PPP1R37: variants seen among roughly 807,000 people sequenced by gnomAD.
PPP1R37 encodes the protein protein phosphatase 1 regulatory subunit 37, also known as leucine rich repeat containing 68.
PPP1R37 carries 21 observed loss-of-function variants against 61.0 expected under a neutral mutation model. That is an observed-to-expected ratio of 0.34 (90% CI 0.24 to 0.50). The LOEUF (loss-of-function observed/expected upper bound fraction) is 0.50, where lower values mean the gene tolerates loss of function less well. PPP1R37 is among the 20% of genes least tolerant of loss of function. The pLI, the probability that PPP1R37 is intolerant of heterozygous loss-of-function variation, is 0.98. For missense variants in PPP1R37, 910 were observed against 952.7 expected, an observed-to-expected ratio of 0.96 and a Z score of 0.59; for synonymous variants, 443 against 433.5, an observed-to-expected ratio of 1.02 and a Z score of -0.27.
At chr19:45,131,849 T>C (rs1045434832) in intron 1 of PPP1R37, among the ~76,000 whole-genome samples, 1 of 151,872 alleles carries the variant, frequency 6.6e-6, no homozygotes, top group African/African-American at 2.4e-5. Context: ...TCCTGCTGAC[T>C]AAGCCACACT....
intron 1 of PPP1R37, among the ~76,000 whole-genome samples, chr19:45,134,718 C>G (rs1259446200): frequency 6.6e-6 from 1 of 152,050 alleles, no homozygotes; most frequent in Non-Finnish European, 1.5e-5. Flanking sequence ...CACCACCACG[C>G]CCGGCTAATT....
chr19:45,122,591 A>T (rs1968355477), intron 1 of PPP1R37, among the ~76,000 whole-genome samples: 1 of 152,060 alleles, frequency 6.6e-6, no homozygotes, highest in African/African-American at 2.4e-5. Flanking sequence ...AAAGGGGCTG[A>T]CTTTTTGGAG....
intron 4 of PPP1R37, 139 bp downstream of exon 4, chr19:45,140,745 A>C: frequency 3.1e-6 from 2 of 635,676 alleles, no homozygotes; most frequent in Non-Finnish European, 2.8e-6. Flanking sequence ...GGCCTCTTGC[A>C]GGGCAAGAGG....
At chr19:45,100,341 G>A (rs539721149) in intron 1 of PPP1R37, 1 of 152,346 alleles carries the variant, frequency 6.6e-6, no homozygotes, top group East Asian at 1.9e-4. Flanking sequence ...AGTAGGGCAT[G>A]GGGGCAGGTG....
chr19:45,145,767 GT>G lies in PPP1R37; in HGVS notation c.1712del (p.Val571GlyfsTer67). On this transcript the variant is annotated frameshift_variant, in exon 11 of 13. Transcript: ENST00000221462. LOFTEE classifies it high-confidence loss of function. ...GGGCCGGGGCCACAAGGTGTTTGTG[GT>G]GACCCGGGTGGAGAGCCCGCCCGAG... ...SPGRGHKVFV[V>X]TRVESPPERA... 6.6e-7 allele frequency: 1 copy of G among 1,518,328 alleles called. No individual in the cohort carries two copies. Among genetic ancestry groups the G allele is most frequent in the Non-Finnish European group, 8.8e-7 (1 of 1,137,862 alleles). The allele number at this position is 1,518,328 out of a possible 1,614,324, so 94.1% of individuals were successfully genotyped here. A position where few individuals can be genotyped will look rare whatever the true frequency, so the allele number is the denominator to read the frequency against.
intron 1 of PPP1R37, among the ~76,000 whole-genome samples, chr19:45,105,777 T>C (rs1968122679): frequency 6.6e-6 from 1 of 152,188 alleles, no homozygotes; most frequent in Admixed American, 6.5e-5. Flanking sequence ...CCTGGACCTG[T>C]GTTCCCTGCT....
chr19:45,102,047 G>A (rs1968071132), intron 1 of PPP1R37, among the ~76,000 whole-genome samples: 1 of 152,158 alleles, frequency 6.6e-6, no homozygotes, highest in Non-Finnish European at 1.5e-5. Context: ...GCGTGTCCTT[G>A]GCCTGCTTGG....
rs563225515 is a variant in PPP1R37, at chr19:45,096,340, G to A, written c.202+2813G>A. Among the ~76,000 whole-genome samples, 29 of 152,212 alleles carry A rather than the reference G, an allele frequency of 1.9e-4. No individual in the cohort carries two copies. The South Asian group carries it at 5.8e-3, about 30-fold the overall frequency. On this transcript the variant is annotated intron_variant, in intron 1 of 12. Transcript: ENST00000221462. ...GAGTCTGGCACAGATTGGGCTTTGG[G>A]GGGTAAAGTTTCTGGTCTGCAGATT...
At chr19:45,124,352 GGT>G (rs1240208971) in intron 1 of PPP1R37, among the ~76,000 whole-genome samples, 1 of 152,194 alleles carries the variant, frequency 6.6e-6, no homozygotes, top group African/African-American at 2.4e-5. Context: ...GAAGAATTTG[GGT>G]GTGGCCAGAG....
At chr19:45,101,824 A>G (rs1316865537) in intron 1 of PPP1R37, among the ~76,000 whole-genome samples, 1 of 152,246 alleles carries the variant, frequency 6.6e-6, no homozygotes, top group Non-Finnish European at 1.5e-5. Context: ...GCCGTGAGCC[A>G]GGAGCCCGGA....
chr19:45,114,456 C>T (rs1034102108), intron 1 of PPP1R37, among the ~76,000 whole-genome samples: 11 of 148,446 alleles, frequency 7.4e-5, no homozygotes, highest in East Asian at 1.9e-4. Flanking sequence ...CCCCCTGACC[C>T]GGGCAGCTCA....
chr19:45,144,012 T>G, intron 8 of PPP1R37: 1 of 158,172 alleles, frequency 6.3e-6, no homozygotes, highest in Non-Finnish European at 1.4e-5. Flanking sequence ...GCCAATTTTT[T>G]TATTTTTTAT....
In PPP1R37 at chr19:45,097,410, C is replaced by G. The variant is rs114191671; in HGVS notation, c.202+3883C>G. ...TAGGCCAGGGGATGGAGGAGCGCCCCTGGGTGAGGAGGAAGCAGCACTGGG... is the reference window on the plus strand; with the variant it reads ...TAGGCCAGGGGATGGAGGAGCGCCCGTGGGTGAGGAGGAAGCAGCACTGGG... On this transcript the variant is annotated intron_variant, in intron 1 of 12. Coordinates refer to ENST00000221462, the MANE Select transcript of PPP1R37 (RefSeq NM_019121.2). Among the ~76,000 whole-genome samples, 326 of 151,954 alleles carry G rather than the reference C, an allele frequency of 2.1e-3. 2 individuals carry two copies. The highest frequency in any genetic ancestry group is 7.5e-3 in the African/African-American group (310 of 41,446).
At chr19:45,106,060 A>G (rs1376226994) in intron 1 of PPP1R37, among the ~76,000 whole-genome samples, 1 of 152,148 alleles carries the variant, frequency 6.6e-6, no homozygotes, top group Non-Finnish European at 1.5e-5. Flanking sequence ...TGTTAGGTCC[A>G]GGTGTTTGTG....
chr19:45,132,834 G>A (rs1247970808), intron 1 of PPP1R37, among the ~76,000 whole-genome samples: 3 of 152,120 alleles, frequency 2.0e-5, no homozygotes, highest in African/African-American at 7.2e-5. Context: ...TTCCCAAAGT[G>A]CTGGGATTGC....
At position 45,144,854 on chromosome 19, in the gene PPP1R37, C is replaced by G; in HGVS notation, c.988C>G (p.Pro330Ala). The change falls in exon 9 of 13, where the codon CCG (proline) becomes GCG (alanine). Residue 330 changes from proline (P) to alanine (A), a missense_variant and splice_region_variant. Physicochemically the swap from Pro to Ala is conservative, Grantham distance 27. This residue lies in a region of PPP1R37 where 549 missense variants were observed against 505.1 expected (regional missense o/e 1.09). Coordinates refer to ENST00000221462, the MANE Select transcript of PPP1R37 (RefSeq NM_019121.2). The part of the protein sequence containing the change: ...TGMAFLGMTL[P>A]HTQSLETLNL... Reference sequence around the variant, plus strand: ...TCACCCTCACACCCCCTCCCTCCAGCCGCACACTCAGAGCCTGGAGACGCT... The same window carrying G: ...TCACCCTCACACCCCCTCCCTCCAGGCGCACACTCAGAGCCTGGAGACGCT... 1.3e-6 allele frequency: 2 copies of G among 1,529,162 alleles called. No homozygotes were observed. Among genetic ancestry groups the G allele is most frequent in the Non-Finnish European group, 1.7e-6 (2 of 1,143,006 alleles). The allele number at this position is 1,529,162 out of a possible 1,614,324, so 94.7% of individuals were successfully genotyped here.
In PPP1R37 at chr19:45,130,666, C is replaced by T. The variant is rs1481091845; in HGVS notation, c.203-7848C>T. Among the ~76,000 whole-genome samples, 1 of 152,196 alleles carries T rather than the reference C, an allele frequency of 6.6e-6. No homozygotes were observed. The highest frequency in any genetic ancestry group is 2.1e-4 in the South Asian group (1 of 4,828). On this transcript the variant is annotated intron_variant, in intron 1 of 12. Coordinates refer to ENST00000221462, the MANE Select transcript of PPP1R37 (RefSeq NM_019121.2). The surrounding 1 kb of genome is among the most constrained non-coding windows in gnomAD (Gnocchi z 4.4). ...ATTGCAAAGCGTGGTTATTCTGAGC[C>T]TGGTTGCCATCACAGTCATATGGGG... is the stretch of plus-strand genomic sequence containing the variant.
In PPP1R37 at chr19:45,138,540, A is replaced by G. The variant is rs923908451; in HGVS notation, c.229A>G (p.Ile77Val). 1.0e-5 allele frequency: 16 copies of G among 1,528,698 alleles called. No homozygotes were observed. Among genetic ancestry groups the G allele is most frequent in the African/African-American group, 4.1e-5 (3 of 72,738 alleles). The allele number at this position is 1,528,698 out of a possible 1,614,324, so 94.7% of individuals were successfully genotyped here. ...HAQNVTVDEVIGAYKQACQKL... is the reference protein window; with the variant it reads ...HAQNVTVDEVVGAYKQACQKL... ...CCAGAATGTGACCGTGGACGAGGTC[A>G]TCGGCGCCTACAAGCAGGCCTGCCA... is the stretch of plus-strand genomic sequence containing the variant. Residue 77 changes from isoleucine to valine, a missense_variant, in exon 2 of 13, where the codon ATC becomes GTC. Ile to Val is a conservative substitution (Grantham distance 29, BLOSUM62 3). Transcript: ENST00000221462.
chr19:45,093,672 C>G, intron 1 of PPP1R37, 145 bp downstream of exon 1: 3 of 576,532 alleles, frequency 5.2e-6, no homozygotes, highest in Non-Finnish European at 8.7e-6. Flanking sequence ...GAACCGTAGT[C>G]TGTTAGAAAG....
Sources: allele counts gnomAD v4.1 joint callset (sites outside exome capture counted in the v4.1 genomes callset), GRCh38; gene constraint gnomAD v4.1.1; regional missense constraint gnomAD v4.1.1; non-coding constraint Gnocchi (gnomAD v3.1); transcripts MANE v1.5; gene names NCBI Gene and HGNC (gene_info 2026-07-23, HGNC 2026-07-21).